The following PIGR variants were observed in gnomAD, a reference collection of about 807,000 sequenced individuals.
The protein encoded by PIGR is hepatocellular carcinoma associated protein TB6.
In PIGR, 22 loss-of-function variants were observed where a neutral mutation model predicts 69.5. The observed-to-expected ratio is 0.32, with a 90% CI of 0.23 to 0.45. The LOEUF is 0.45. Ranked by LOEUF, PIGR falls within the 20% of genes least tolerant of loss-of-function variation. The probability of loss-of-function intolerance (pLI) is 1.00; values close to 1 mark genes in which losing one functional copy is unlikely to be tolerated. For missense variants in PIGR, 885 were observed against 974.0 expected (o/e 0.91, Z 1.22); for synonymous variants, 413 against 407.6 (o/e 1.01, Z -0.16).
At chr1:206,937,018 A>G (rs748140) in intron 4 of PIGR, 77 bp downstream of exon 4, 519,942 of 1,296,388 alleles carry the variant, frequency 0.4, 108,134 homozygotes, top group Middle Eastern at 0.5. Flanking sequence ...ATTGATGAAT[A>G]CACTCAGAGG....
chr1:206,930,462 G>A lies in PIGR; in HGVS notation c.2200-49C>T, dbSNP rs753593177. ...CAGTGTTGGGGGCACTGGCTCAGTG[G>A]GTGGAGTCAGGGGAGGGGAGGTGCT... On this transcript the variant is annotated intron_variant, in intron 10 of 10. Transcript: ENST00000356495. This position sits in a 1 kb window ranked among gnomAD's most constrained non-coding sequence, Gnocchi z 4.3. 42 of 1,582,690 alleles carry A rather than the reference G, an allele frequency of 2.7e-5. No homozygotes were observed. Among genetic ancestry groups the A allele is most frequent in the Non-Finnish European group, 3.4e-6 (4 of 1,164,342 alleles).
In PIGR at chr1:206,932,512, A is replaced by G; in HGVS notation, c.1952T>C (p.Leu651Pro). The G allele has an allele frequency of 6.2e-7, 1 of 1,613,656 alleles. No individual in the cohort carries two copies. The highest frequency in any genetic ancestry group is 1.1e-5 in the South Asian group (1 of 91,044). Residue 651 changes from leucine to proline, a missense_variant, in exon 8 of 11, where the codon CTG (leucine) becomes CCG (proline). Coordinates refer to ENST00000356495, the MANE Select transcript of PIGR (RefSeq NM_002644.4). ...VSTLVPLGLV[L>P]AVGAVAVGVA... ...CCCCACAGCCACGGCTCCCACTGCC[A>G]GCACCAGGCCCAGGGGCACCAGGGT... is the stretch of plus-strand genomic sequence containing the variant.
At position 206,937,705 on chromosome 1, in the gene PIGR, G is replaced by T. The variant is rs575547090; in HGVS notation, c.435C>A (p.Gly145=). 8.7e-6 allele frequency: 14 copies of T among 1,614,038 alleles called. No homozygotes were observed. The African/African-American group carries it at 1.9e-4, about 22-fold the overall frequency. ...NDTKVYTVDL[G]RTVTINCPFK... is the part of the protein sequence containing the mutation. ...AAGGGCAGTTGATGGTCACCGTTCT[G>T]CCCAGGTCCACTGTGTAGACTTTAG... The change falls in exon 4 of 11, where the codon GGC becomes GGA. Residue 145 remains glycine, a synonymous_variant. Coordinates refer to ENST00000356495, the MANE Select transcript of PIGR (RefSeq NM_002644.4).
chr1:206,937,052 C>A (rs954178114), intron 4 of PIGR, 43 bp downstream of exon 4: 2 of 1,509,022 alleles, frequency 1.3e-6, no homozygotes, highest in African/African-American at 3.1e-5. Context: ...CTCTCACCTG[C>A]GAGACTGCCC....
At position 206,935,770 on chromosome 1, in the gene PIGR, C is replaced by CTT; in HGVS notation, c.1093_1094insAA (p.Gly365GlufsTer79). On this transcript the variant is annotated frameshift_variant, in exon 5 of 11. Coordinates refer to ENST00000356495, the MANE Select transcript of PIGR (RefSeq NM_002644.4). LOFTEE classifies it high-confidence loss of function. This position sits in a 1 kb window ranked among gnomAD's most constrained non-coding sequence, Gnocchi z 4.4. ...GTAGGGGCAGAGCACGGCCACAGAG[C>CTT]CTCCTGCCACCCCCTTCACCACAGT... 6.2e-7 allele frequency: 1 copy of CTT among 1,612,974 alleles called. No homozygotes were observed. The highest frequency in any genetic ancestry group is 8.5e-7 in the Non-Finnish European group (1 of 1,179,156).
intron 1 of PIGR, among the ~76,000 whole-genome samples, chr1:206,944,920 A>G (rs1011692219): frequency 1.3e-5 from 2 of 152,214 alleles, no homozygotes; most frequent in African/African-American, 4.8e-5. Context: ...ATGACATCAC[A>G]AAACCAACCC....
chr1:206,934,307 C>T (rs2102598489), intron 6 of PIGR, 113 bp downstream of exon 6: 1 of 901,652 alleles, frequency 1.1e-6, no homozygotes, highest in Non-Finnish European at 1.7e-6. Context: ...CACTTTCAGC[C>T]TCTTACAGCC....
intron 3 of PIGR, 75 bp from the exon 4 acceptor site, chr1:206,937,826 T>C (rs1417474101): frequency 7.5e-7 from 1 of 1,325,614 alleles, no homozygotes; most frequent in Non-Finnish European, 1.1e-6. Flanking sequence ...GACTATTTGC[T>C]ATTCCTAGTT....
intron 3 of PIGR, 104 bp from the exon 4 acceptor site, chr1:206,937,855 T>G: frequency 1.0e-6 from 1 of 1,003,806 alleles, no homozygotes. Context: ...GGTGGACTTA[T>G]AACCTGGAAT....
At chr1:206,931,147 G>C (rs1679731361) in intron 10 of PIGR, 1 of 985,326 alleles carries the variant, frequency 1.0e-6, no homozygotes, top group Admixed American at 6.1e-5. Context: ...TGAGGTCCTT[G>C]GGTCCCCCAA....
At chr1:206,941,641 GCAGA>G (rs1679989079) in intron 1 of PIGR, among the ~76,000 whole-genome samples, 1 of 152,208 alleles carries the variant, frequency 6.6e-6, no homozygotes, top group Non-Finnish European at 1.5e-5. Flanking sequence ...GTAAGGCCTG[GCAGA>G]CAAAGATGAA....
rs866803519 is a variant in PIGR, at chr1:206,940,102, A to G, written c.43+387T>C. 7.2e-5 allele frequency among the ~76,000 whole-genome samples: 11 copies of G among 152,322 alleles called. 2 individuals carry two copies. Among genetic ancestry groups the G allele is most frequent in the Middle Eastern group, 6.8e-3 (2 of 294 alleles). ...CCATGTGTTATTTCCTTATATTTCT[A>G]AAAGCACTTTGTAGATGATTTTCTT... On this transcript the variant is annotated intron_variant, in intron 2 of 10. Coordinates refer to ENST00000356495, the MANE Select transcript of PIGR (RefSeq NM_002644.4).
At chr1:206,941,753 G>T (rs1679990977) in intron 1 of PIGR, among the ~76,000 whole-genome samples, 1 of 152,242 alleles carries the variant, frequency 6.6e-6, no homozygotes, top group Non-Finnish European at 1.5e-5. Flanking sequence ...GGTCCCAGGG[G>T]TCTGCCTGAC....
At position 206,930,438 on chromosome 1, in the gene PIGR, A is replaced by G; in HGVS notation, c.2200-25T>C. The G allele has an allele frequency of 6.2e-7, 1 of 1,606,822 alleles. No individual in the cohort carries two copies. On this transcript the variant is annotated intron_variant, in intron 10 of 10. Transcript: ENST00000356495. This position sits in a 1 kb window ranked among gnomAD's most constrained non-coding sequence, Gnocchi z 4.3. ...ACTAAGGGGCAAGAGGAGAGGCATCAGTGTTGGGGGCACTGGCTCAGTGGG... is the reference window on the plus strand; with the variant it reads ...ACTAAGGGGCAAGAGGAGAGGCATCGGTGTTGGGGGCACTGGCTCAGTGGG...
At chr1:206,944,123 CTG>C (rs1407370137) in intron 1 of PIGR, among the ~76,000 whole-genome samples, 3 of 152,222 alleles carry the variant, frequency 2.0e-5, no homozygotes, top group Non-Finnish European at 4.4e-5. Context: ...TCTTAGCGAA[CTG>C]AGAATTTGTT....
intron 1 of PIGR, among the ~76,000 whole-genome samples, chr1:206,940,995 T>A (rs988681392): frequency 1.8e-4 from 28 of 152,296 alleles, no homozygotes; most frequent in African/African-American, 6.3e-4. Context: ...TGAAGCGGGC[T>A]GACATATTTC....
At chr1:206,932,391 G>A (rs967697079) in intron 8 of PIGR, 65 bp downstream of exon 8, 25 of 1,511,930 alleles carry the variant, frequency 1.7e-5, no homozygotes, top group Non-Finnish European at 2.1e-5. Flanking sequence ...TCCTCTATGG[G>A]TGGATGATTC....
chr1:206,943,249 C>T (rs867692695), intron 1 of PIGR, among the ~76,000 whole-genome samples: 3 of 152,300 alleles, frequency 2.0e-5, no homozygotes, highest in South Asian at 2.1e-4. Flanking sequence ...TGTTGTTATC[C>T]TCATGACACA....
At chr1:206,933,396 G>A (rs1679800837) in intron 6 of PIGR, among the ~76,000 whole-genome samples, 1 of 152,140 alleles carries the variant, frequency 6.6e-6, no homozygotes, top group Admixed American at 6.5e-5. Context: ...GACCTTCAAG[G>A]CTTCGTGTCA....
Sources: gnomAD v4.1 joint callset for allele counts (sites outside exome capture counted in the v4.1 genomes callset) on GRCh38, gnomAD v4.1.1 for gene constraint, Gnocchi (gnomAD v3.1) non-coding constraint, MANE v1.5 for transcripts, NCBI Gene and HGNC (gene_info 2026-07-23, HGNC 2026-07-21) for gene names.